Variants in NRG1 observed in about 807,000 individuals in gnomAD.
The protein encoded by NRG1 is neuregulin 1.
NRG1 carries 18 observed loss-of-function variants against 63.8 expected under a neutral mutation model. The ratio of observed to expected loss-of-function variants is 0.28; its 90% CI spans 0.19 to 0.42. NRG1 has a LOEUF of 0.42. Among genes scored for constraint, NRG1 ranks in the 10% least tolerant of loss-of-function variants. NRG1 has a pLI of 1.00. For missense variants in NRG1, 762 were observed against 814.7 expected, an observed-to-expected ratio of 0.94 and a Z score of 0.79; for synonymous variants, 302 against 301.3, an observed-to-expected ratio of 1.00 and a Z score of -0.02.
rs539905358 is a variant in NRG1 at position 31,785,686 on chromosome 8, T to A, written c.37+146255T>A. On this transcript the variant is annotated intron_variant, in intron 1 of 10. Transcript: ENST00000519301. ...CACTTAAATTGAAAATTACTTTCTA[T>A]GTGTGGTTAAAAAAATCTTGCATTA... Among the ~76,000 whole-genome samples, 748 of 152,358 alleles carry A rather than the reference T, an allele frequency of 4.9e-3. 12 individuals carry two copies. Among genetic ancestry groups the A allele is most frequent in the Non-Finnish European group, 3.1e-3 (209 of 68,032 alleles).
intron 1 of NRG1, among the ~76,000 whole-genome samples, chr8:32,328,156 A>G (rs1258542666): frequency 6.6e-6 from 1 of 152,112 alleles, no homozygotes; most frequent in Non-Finnish European, 1.5e-5. Flanking sequence ...GGGAATAATA[A>G]TATCGCACTC....
At chr8:32,566,115 A>C (rs1563661780) in intron 1 of NRG1, among the ~76,000 whole-genome samples, 1 of 151,992 alleles carries the variant, frequency 6.6e-6, no homozygotes, top group Non-Finnish European at 1.5e-5. Context: ...GCACTTTGGG[A>C]GGCCAAGGAG....
rs529445249 is a variant in NRG1 at position 32,451,247 on chromosome 8, C to A, written c.38-144581C>A. 4.6e-5 allele frequency among the ~76,000 whole-genome samples: 7 copies of A among 152,322 alleles called. No individual in the cohort carries two copies. In the South Asian group the frequency reaches 1.5e-3, roughly 32 times the overall value. On this transcript the variant is annotated intron_variant, in intron 1 of 10. Transcript: ENST00000519301. ...CTTTCAATCTCACCATCAGAGCCAT[C>A]TGATTGCTTGATAACATGATTCTTT...
chr8:32,532,109 A>T (rs10103133), intron 1 of NRG1, among the ~76,000 whole-genome samples: 13,872 of 152,172 alleles, frequency 0.091, 1,697 homozygotes, highest in East Asian at 0.57. Context: ...CATGCACCAG[A>T]CAAGCAGAGC....
At chr8:32,727,962 C>A in exon 6 of NRG1, 13 of 1,613,922 alleles carry the variant, frequency 8.1e-6, no homozygotes, top group Non-Finnish European at 1.1e-5. Context: ...CATCTACATC[C>A]ACCACTGGGA....
At chr8:31,802,163 G>A (rs1821852006) in intron 1 of NRG1, among the ~76,000 whole-genome samples, 3 of 152,258 alleles carry the variant, frequency 2.0e-5, no homozygotes, top group African/African-American at 4.8e-5. Context: ...GTATACTCTT[G>A]CTTTTAGTCG....
At chr8:31,743,347 T>G (rs1406689398) in intron 1 of NRG1, among the ~76,000 whole-genome samples, 1 of 152,020 alleles carries the variant, frequency 6.6e-6, no homozygotes. Flanking sequence ...ATTGTATGAC[T>G]GCACTGTGTC....
rs74568037 is a variant in NRG1, at chr8:32,763,658, A to T, written c.1260-90A>T. The T allele has an allele frequency of 1.0e-5, 13 of 1,279,114 alleles. No individual in the cohort carries two copies. In the Admixed American group the frequency reaches 3.0e-4, roughly 30 times the overall value. 79.2% of individuals were successfully genotyped at this position (1,279,114 alleles called of 1,614,324 possible). A position where few individuals can be genotyped will look rare whatever the true frequency, so the allele number is the denominator to read the frequency against. The stretch of plus-strand genomic sequence containing the variant: ...AATAGAAATTCTCTGTTCTCTGATG[A>T]TATAATACCGTGAACTCTGTCCCCT... On this transcript the variant is annotated intron_variant, in intron 11 of 11. Coordinates refer to ENST00000356819, the Ensembl canonical transcript of NRG1.
At chr8:32,039,662 T>C (rs1819619858) in intron 1 of NRG1, among the ~76,000 whole-genome samples, 1 of 152,154 alleles carries the variant, frequency 6.6e-6, no homozygotes, top group African/African-American at 2.4e-5. Context: ...ACAAACATTA[T>C]TGAGTACCTT....
intron 1 of NRG1, among the ~76,000 whole-genome samples, chr8:31,940,007 C>T (rs1045288399): frequency 2.0e-5 from 3 of 152,026 alleles, no homozygotes; most frequent in African/African-American, 7.2e-5. Flanking sequence ...CTAAACTGGT[C>T]ATCAAGACAG....
intron 1 of NRG1, among the ~76,000 whole-genome samples, chr8:31,978,592 C>G (rs1346476939): frequency 6.6e-6 from 1 of 152,048 alleles, no homozygotes; most frequent in East Asian, 1.9e-4. Context: ...TACAATAAGG[C>G]AGACAGCTTT....
chr8:31,859,554 C>A (rs1206063128), intron 1 of NRG1, among the ~76,000 whole-genome samples: 1 of 152,178 alleles, frequency 6.6e-6, no homozygotes, highest in African/African-American at 2.4e-5. Flanking sequence ...TTACATATCC[C>A]TTTCTACAGA....
At chr8:31,973,194 T>A in intron 1 of NRG1, among the ~76,000 whole-genome samples, 1 of 152,304 alleles carries the variant, frequency 6.6e-6, no homozygotes, top group East Asian at 1.9e-4. Context: ...CTCATACATA[T>A]ACCATCATAT....
chr8:32,747,741 T>C (rs1827741453), intron 7 of NRG1, among the ~76,000 whole-genome samples: 1 of 147,698 alleles, frequency 6.8e-6, no homozygotes, highest in African/African-American at 2.5e-5. Context: ...TGTATATATA[T>C]ATATATATAT....
At chr8:32,476,118 A>C (rs1283967873) in intron 1 of NRG1, among the ~76,000 whole-genome samples, 5 of 152,198 alleles carry the variant, frequency 3.3e-5, no homozygotes, top group Non-Finnish European at 7.3e-5. Context: ...GGTAAATGAG[A>C]ATTTATTATA....
chr8:32,102,775 G>C lies in NRG1; in HGVS notation c.37+463344G>C, dbSNP rs76051351. On this transcript the variant is annotated intron_variant, in intron 1 of 10. Transcript: ENST00000519301. ...TGGGTGTTTCTGGGCTTCAGTTTCT[G>C]TATATTCAGTAATAGTATCGAATAT... is the stretch of plus-strand genomic sequence containing the variant. 5.3e-3 allele frequency among the ~76,000 whole-genome samples: 805 copies of C among 152,198 alleles called. 2 individuals carry two copies. The highest frequency in any genetic ancestry group is 9.4e-3 in the Non-Finnish European group (642 of 68,030).
intron 7 of NRG1, among the ~76,000 whole-genome samples, chr8:32,773,179 G>C (rs1401639075): frequency 1.3e-5 from 2 of 152,128 alleles, no homozygotes; most frequent in Admixed American, 1.3e-4. Flanking sequence ...TTTGATTAGT[G>C]GTGGCCCTTT....
chr8:32,123,319 T>C (rs1833704227), intron 1 of NRG1, among the ~76,000 whole-genome samples: 1 of 151,920 alleles, frequency 6.6e-6, no homozygotes, highest in Non-Finnish European at 1.5e-5. Context: ...CCTGCTGTTC[T>C]CATGATAGTA....
At chr8:32,350,250 G>A (rs1019224554) in intron 1 of NRG1, among the ~76,000 whole-genome samples, 1 of 152,190 alleles carries the variant, frequency 6.6e-6, no homozygotes, top group African/African-American at 2.4e-5. Context: ...TATCCTTCTT[G>A]CTTGAACTTT....
Sources: gnomAD v4.1 joint callset for allele counts (sites outside exome capture counted in the v4.1 genomes callset) on GRCh38, gnomAD v4.1.1 for gene constraint, MANE v1.5 for transcripts, NCBI Gene and HGNC (gene_info 2026-07-23, HGNC 2026-07-21) for gene names.